NKAIN2: variants seen among roughly 807,000 people sequenced by gnomAD.
The protein encoded by NKAIN2 is sodium/potassium transporting ATPase interacting 2, also known as sodium/potassium-transporting ATPase subunit beta-1-interacting protein 2.
In NKAIN2, 14 loss-of-function variants were observed where a neutral mutation model predicts 32.6. The ratio of observed to expected loss-of-function variants is 0.43; its 90% CI spans 0.28 to 0.67. NKAIN2 has a LOEUF of 0.67. NKAIN2 is among the 30% of genes least tolerant of loss of function. The pLI, the probability that NKAIN2 is intolerant of heterozygous loss-of-function variation, is 0.17. For missense variants in NKAIN2, 198 were observed against 258.3 expected, an observed-to-expected ratio of 0.77 and a Z score of 1.60; for synonymous variants, 80 against 87.2, an observed-to-expected ratio of 0.92 and a Z score of 0.46.
intron 3 of NKAIN2, among the ~76,000 whole-genome samples, chr6:124,592,224 A>T (rs1268817405): frequency 6.6e-6 from 1 of 152,212 alleles, no homozygotes; most frequent in Admixed American, 6.5e-5. Context: ...AAACAAAAGA[A>T]ACAACAACAA....
At chr6:124,486,831 C>T (rs1293752127) in intron 3 of NKAIN2, among the ~76,000 whole-genome samples, 1 of 152,044 alleles carries the variant, frequency 6.6e-6, no homozygotes, top group African/African-American at 2.4e-5. Flanking sequence ...AACCTCTGCT[C>T]TGCCCGTTCC....
chr6:124,644,408 C>CTT (rs34696279), intron 3 of NKAIN2, among the ~76,000 whole-genome samples: 5 of 139,858 alleles, frequency 3.6e-5, no homozygotes, highest in Non-Finnish European at 7.8e-5. Context: ...CTTTTCTTTT[C>CTT]TTTTTTTTTT....
At chr6:124,450,759 A>G (rs1331088490) in intron 3 of NKAIN2, among the ~76,000 whole-genome samples, 1 of 152,034 alleles carries the variant, frequency 6.6e-6, no homozygotes, top group East Asian at 1.9e-4. Flanking sequence ...TAGATAATTG[A>G]ACATTTCTTT....
intron 1 of NKAIN2, among the ~76,000 whole-genome samples, chr6:124,218,517 G>A (rs1275135942): frequency 6.6e-6 from 1 of 152,114 alleles, no homozygotes; most frequent in Non-Finnish European, 1.5e-5. Flanking sequence ...TCATTTCCAT[G>A]CCAGGTCCCA....
intron 2 of NKAIN2, among the ~76,000 whole-genome samples, chr6:124,305,477 G>A (rs1482493030): frequency 6.6e-6 from 1 of 152,190 alleles, no homozygotes; most frequent in Non-Finnish European, 1.5e-5. Flanking sequence ...GGTGGTAGGG[G>A]ACAGTGGCTC....
At chr6:124,587,965 C>G (rs1474997024) in intron 3 of NKAIN2, among the ~76,000 whole-genome samples, 1 of 152,102 alleles carries the variant, frequency 6.6e-6, no homozygotes, top group African/African-American at 2.4e-5. Flanking sequence ...CAGCAAGTGC[C>G]CAATCCTCCT....
chr6:124,190,066 C>T lies in NKAIN2; in HGVS notation c.55-92939C>T, dbSNP rs187336949. On this transcript the variant is annotated intron_variant, in intron 1 of 6. Coordinates refer to ENST00000368417, the MANE Select transcript of NKAIN2 (RefSeq NM_001040214.3). The stretch of plus-strand genomic sequence containing the variant: ...AAAACTACCTGCACATGGCCACAAA[C>T]ATATGAAAGTGAATCTTTGGTGGCC... 9.2e-5 allele frequency among the ~76,000 whole-genome samples: 14 copies of T among 152,324 alleles called. No individual in the cohort carries two copies. The East Asian group carries it at 2.7e-3, about 29-fold the overall frequency.
intron 4 of NKAIN2, among the ~76,000 whole-genome samples, chr6:124,723,834 C>T (rs1000459115): frequency 6.6e-6 from 1 of 152,168 alleles, no homozygotes; most frequent in Non-Finnish European, 1.5e-5. Flanking sequence ...CATGTATAAG[C>T]AGATCTTTTA....
chr6:124,505,577 A>G (rs182414882), intron 3 of NKAIN2, among the ~76,000 whole-genome samples: 20 of 152,308 alleles, frequency 1.3e-4, no homozygotes, highest in Admixed American at 1.2e-3. Context: ...GCTAGAAAAT[A>G]TGTTCGAAGG....
At chr6:124,630,581 G>A (rs1280245119) in intron 3 of NKAIN2, among the ~76,000 whole-genome samples, 1 of 152,064 alleles carries the variant, frequency 6.6e-6, no homozygotes, top group Non-Finnish European at 1.5e-5. Flanking sequence ...CTGTAAAATA[G>A]AGCAGAGAAA....
intron 3 of NKAIN2, among the ~76,000 whole-genome samples, chr6:124,632,401 T>C (rs1338419069): frequency 1.3e-5 from 2 of 152,202 alleles, no homozygotes; most frequent in Admixed American, 6.5e-5. Flanking sequence ...GAGAATGAGC[T>C]GCTATTTTGC....
At chr6:124,103,444 T>G (rs1237160635) in intron 1 of NKAIN2, among the ~76,000 whole-genome samples, 1 of 152,190 alleles carries the variant, frequency 6.6e-6, no homozygotes, top group Non-Finnish European at 1.5e-5. Flanking sequence ...CTAGAGTCTG[T>G]TACTATAATA....
At chr6:124,543,836 A>C (rs1000630249) in intron 3 of NKAIN2, among the ~76,000 whole-genome samples, 14 of 152,150 alleles carry the variant, frequency 9.2e-5, no homozygotes, top group Middle Eastern at 3.2e-3. Flanking sequence ...ATGAGCTCTG[A>C]GATCACTGGC....
At chr6:124,482,990 T>C (rs918451935) in intron 3 of NKAIN2, among the ~76,000 whole-genome samples, 28 of 151,944 alleles carry the variant, frequency 1.8e-4, no homozygotes, top group Admixed American at 6.5e-4. Flanking sequence ...GGCGTGGTGG[T>C]GGGCGCCTGT....
intron 1 of NKAIN2, among the ~76,000 whole-genome samples, chr6:124,024,569 A>AT (rs148607612): frequency 0.027 from 4,076 of 152,282 alleles, 161 homozygotes; most frequent in African/African-American, 0.092. Context: ...ACTTAGGCTC[A>AT]TTTTTTATAC....
intron 1 of NKAIN2, among the ~76,000 whole-genome samples, chr6:124,240,798 G>A (rs1298002099): frequency 6.6e-6 from 1 of 152,094 alleles, no homozygotes; most frequent in African/African-American, 2.4e-5. Context: ...TATTGAATGG[G>A]CAAAAGCTGT....
intron 4 of NKAIN2, among the ~76,000 whole-genome samples, chr6:124,790,196 G>A (rs1369049676): frequency 6.6e-6 from 1 of 151,962 alleles, no homozygotes; most frequent in East Asian, 1.9e-4. Flanking sequence ...TTTCACCAGA[G>A]GCCACTTTGT....
At chr6:124,649,612 T>G (rs1331390784) in intron 3 of NKAIN2, among the ~76,000 whole-genome samples, 1 of 152,302 alleles carries the variant, frequency 6.6e-6, no homozygotes, top group African/African-American at 2.4e-5. Flanking sequence ...TAACACAGTC[T>G]ATGATGCTAG....
intron 2 of NKAIN2, among the ~76,000 whole-genome samples, chr6:124,291,496 C>T (rs2114948185): frequency 6.6e-6 from 1 of 152,106 alleles, no homozygotes; most frequent in South Asian, 2.1e-4. Flanking sequence ...CCTCTCTTTC[C>T]CAAAGCACCA....
Sources: allele counts gnomAD v4.1 joint callset (sites outside exome capture counted in the v4.1 genomes callset), GRCh38; gene constraint gnomAD v4.1.1; transcripts MANE v1.5; gene names NCBI Gene and HGNC (gene_info 2026-07-23, HGNC 2026-07-21).